Variants in CRTAP observed in about 807,000 individuals in gnomAD.
CRTAP encodes the protein cartilage associated protein, also known as cartilage-associated protein.
CRTAP carries 33 observed loss-of-function variants against 42.7 expected under a neutral mutation model. That is an observed-to-expected ratio of 0.77 (90% CI 0.59 to 1.03). The LOEUF (loss-of-function observed/expected upper bound fraction) is 1.03. Ranked by LOEUF, CRTAP falls within the 50% of genes least tolerant of loss-of-function variation. The pLI is 0.00. For missense variants in CRTAP, 613 were observed against 533.9 expected, an observed-to-expected ratio of 1.15 and a Z score of -1.46; for synonymous variants, 243 against 217.7, an observed-to-expected ratio of 1.12 and a Z score of -1.02.
In CRTAP at chr3:33,142,707, T is replaced by G. The variant is rs977696913; in HGVS notation, c.*259T>G. The G allele has an allele frequency of 2.2e-6, 1 of 451,096 alleles. No individual in the cohort carries two copies. The highest frequency in any genetic ancestry group is 2.0e-5 in the African/African-American group (1 of 50,448). The allele number at this position is 451,096 out of a possible 1,614,324, so 27.9% of individuals were successfully genotyped here. A position where few individuals can be genotyped will look rare whatever the true frequency, so the allele number is the denominator to read the frequency against. On this transcript the variant is annotated 3_prime_UTR_variant, in exon 7 of 7. Coordinates refer to ENST00000320954, the MANE Select transcript of CRTAP (RefSeq NM_006371.5). ...TCTCGCTCTCTTGCCCAGGCTGGAG[T>G]GCAATGGCACGTTCTCAGCTCACTG...
rs370037615 is a variant in CRTAP, at chr3:33,122,587, T to C, written c.622-1821T>C. On this transcript the variant is annotated intron_variant, in intron 2 of 6. Coordinates refer to ENST00000320954, the MANE Select transcript of CRTAP (RefSeq NM_006371.5). ...AGCCAGGCGTGGTGGCAGGCACCTG[T>C]AATCCTAGCTACTCGGGAGACTGAG... 3.6e-4 allele frequency among the ~76,000 whole-genome samples: 54 copies of C among 151,534 alleles called. 2 individuals are homozygous for C. In the South Asian group the frequency reaches 0.011, roughly 30 times the overall value.
chr3:33,129,410 A>G (rs1032591126), intron 3 of CRTAP, among the ~76,000 whole-genome samples: 2 of 151,932 alleles, frequency 1.3e-5, no homozygotes, highest in African/African-American at 4.8e-5. Context: ...ACATTTTAAT[A>G]ATTTCTATTA....
chr3:33,116,161 T>C (rs1701340692), intron 1 of CRTAP, among the ~76,000 whole-genome samples: 1 of 152,200 alleles, frequency 6.6e-6, no homozygotes, highest in Non-Finnish European at 1.5e-5. Context: ...TTCTTTAATA[T>C]ACAGATGAAT....
Position 33,114,166 on chromosome 3 carries a change from G to A in CRTAP, c.89G>A (p.Arg30His). Residue 30 changes from arginine (R) to histidine (H), a missense_variant, in exon 1 of 7, where the codon CGC becomes CAC. Physicochemically the swap from Arg to His is conservative, Grantham distance 29 (BLOSUM62 0). Transcript: ENST00000320954. ...ALRAGRAQYE[R>H]YSFRSFPRDE... is the part of the protein sequence containing the mutation. ...CGCGCCGGGCGCGCCCAATACGAAC[G>A]CTACAGCTTCCGCAGCTTCCCACGG... is the stretch of plus-strand genomic sequence containing the variant. 1 of 1,588,898 alleles carries A rather than the reference G, an allele frequency of 6.3e-7. No homozygotes were observed. Among genetic ancestry groups the A allele is most frequent in the Non-Finnish European group, 8.5e-7 (1 of 1,175,054 alleles).
intron 3 of CRTAP, 82 bp from the exon 4 acceptor site, chr3:33,129,857 C>T (rs113372930): frequency 1.4e-6 from 2 of 1,447,728 alleles, no homozygotes; most frequent in Non-Finnish European, 1.9e-6. Context: ...TTTCTTTTAA[C>T]TTTTTCATTT....
At position 33,142,698 on chromosome 3, in the gene CRTAP, A is replaced by G. The variant is rs2030612108; in HGVS notation, c.*250A>G. 1 of 466,050 alleles carries G rather than the reference A, an allele frequency of 2.1e-6. No individual in the cohort carries two copies. Among genetic ancestry groups the G allele is most frequent in the South Asian group, 2.3e-5 (1 of 43,538 alleles). The allele number at this position is 466,050 out of a possible 1,614,324, so 28.9% of individuals were successfully genotyped here. ...GAGATGGAGTCTCGCTCTCTTGCCC[A>G]GGCTGGAGTGCAATGGCACGTTCTC... On this transcript the variant is annotated 3_prime_UTR_variant, in exon 7 of 7. Transcript: ENST00000320954.
rs972668240 is a variant in CRTAP, at chr3:33,114,521, C to G, written c.444C>G (p.Tyr148Ter). The change falls in exon 1 of 7, where the codon TAC becomes TAG. Residue 148 changes from tyrosine to a stop codon, truncating the protein, a stop_gained. Transcript: ENST00000320954. LOFTEE classifies it high-confidence loss of function. ...CGGACTTCCAGCGCCGCGAGCCCTA[C>G]AAGTTCCTGCAGTTCGCTTACTTCA... The part of the protein sequence containing the change: ...VLADFQRREP[Y>*]KFLQFAYFKA... The G allele has an allele frequency of 6.2e-6, 10 of 1,603,612 alleles. No individual in the cohort carries two copies. Among genetic ancestry groups the G allele is most frequent in the South Asian group, 1.1e-5 (1 of 89,440 alleles).
At chr3:33,121,731 A>C (rs899449196) in intron 2 of CRTAP, among the ~76,000 whole-genome samples, 2 of 152,118 alleles carry the variant, frequency 1.3e-5, no homozygotes, top group Admixed American at 1.3e-4. Flanking sequence ...TCATGCCTCC[A>C]CTTGGCCTCT....
chr3:33,139,459 A>G (rs987365511), intron 6 of CRTAP, among the ~76,000 whole-genome samples: 15 of 149,718 alleles, frequency 1.0e-4, no homozygotes, highest in African/African-American at 3.2e-4. Context: ...AGGAAGTTCT[A>G]TTTTTAATTC....
intron 1 of CRTAP, among the ~76,000 whole-genome samples, chr3:33,117,422 T>C (rs907224564): frequency 3.9e-5 from 6 of 152,174 alleles, no homozygotes; most frequent in African/African-American, 7.2e-5. Flanking sequence ...CAGCCTCAGG[T>C]GCATCATAGG....
intron 3 of CRTAP, 77 bp from the exon 4 acceptor site, chr3:33,129,862 T>A: frequency 6.8e-7 from 1 of 1,464,216 alleles, no homozygotes; most frequent in East Asian, 2.3e-5. Flanking sequence ...TTTAACTTTT[T>A]CATTTGGGCA....
rs1249090673 is a variant in CRTAP, at chr3:33,142,568, G to A, written c.*120G>A. The A allele has an allele frequency of 3.2e-6, 3 of 943,354 alleles. No homozygotes were observed. 58.4% of individuals were successfully genotyped at this position (943,354 alleles called of 1,614,324 possible). A position where few individuals can be genotyped will look rare whatever the true frequency, so the allele number is the denominator to read the frequency against. Reference sequence around the variant, plus strand: ...TTCTCTTTACTCTCCAAAGTGAAAGGGAAGCCCCCGTCTCTCTAACTGCAT... The same window carrying A: ...TTCTCTTTACTCTCCAAAGTGAAAGAGAAGCCCCCGTCTCTCTAACTGCAT... On this transcript the variant is annotated 3_prime_UTR_variant, in exon 7 of 7. Transcript: ENST00000320954.
intron 1 of CRTAP, 113 bp downstream of exon 1, chr3:33,114,661 C>A: frequency 1.0e-6 from 1 of 971,186 alleles, no homozygotes; most frequent in Non-Finnish European, 1.5e-6. Flanking sequence ...CTAGACCTGG[C>A]TCCCTCCCAT....
Position 33,124,514 on chromosome 3 carries a change from G to T in CRTAP, c.728G>T (p.Cys243Phe). The part of the protein sequence containing the change: ...LPDFFKAFYE[C>F]LAACEGSREI... Reference sequence around the variant, plus strand: ...GACTTCTTCAAAGCCTTTTACGAGTGTCTCGCAGCCTGCGAGGGTTCCAGG... The same window carrying T: ...GACTTCTTCAAAGCCTTTTACGAGTTTCTCGCAGCCTGCGAGGGTTCCAGG... Residue 243 changes from cysteine to phenylalanine, a missense_variant, in exon 3 of 7, where the codon TGT becomes TTT. Transcript: ENST00000320954. 6.2e-7 allele frequency: 1 copy of T among 1,614,238 alleles called. No homozygotes were observed. The highest frequency in any genetic ancestry group is 8.5e-7 in the Non-Finnish European group (1 of 1,180,048).
At chr3:33,121,335 C>G (rs1480249473) in intron 2 of CRTAP, among the ~76,000 whole-genome samples, 1 of 151,460 alleles carries the variant, frequency 6.6e-6, no homozygotes, top group Non-Finnish European at 1.5e-5. Flanking sequence ...TCACTTCATC[C>G]CGGGAGACAG....
In CRTAP at chr3:33,114,101, C is replaced by G; in HGVS notation, c.24C>G (p.Ala8=). 6.8e-7 allele frequency: 1 copy of G among 1,473,002 alleles called. No individual in the cohort carries two copies. The highest frequency in any genetic ancestry group is 8.9e-7 in the Non-Finnish European group (1 of 1,120,198). The allele number at this position is 1,473,002 out of a possible 1,614,324, so 91.2% of individuals were successfully genotyped here. A position where few individuals can be genotyped will look rare whatever the true frequency, so the allele number is the denominator to read the frequency against. Reference sequence around the variant, plus strand: ...CGATGGAGCCGGGGCGCCGGGGGGCCGCGGCGCTGCTAGCGCTGCTGTGCG... The same window carrying G: ...CGATGGAGCCGGGGCGCCGGGGGGCGGCGGCGCTGCTAGCGCTGCTGTGCG... The part of the protein sequence containing the change: MEPGRRG[A]AALLALLCVA... The change falls in exon 1 of 7, where the codon GCC becomes GCG. Residue 8 remains alanine (A), a synonymous_variant. Coordinates refer to ENST00000320954, the MANE Select transcript of CRTAP (RefSeq NM_006371.5).
intron 1 of CRTAP, among the ~76,000 whole-genome samples, chr3:33,118,806 C>T (rs1289244196): frequency 6.6e-6 from 1 of 152,200 alleles, no homozygotes; most frequent in Non-Finnish European, 1.5e-5. Context: ...CCTCTGCATC[C>T]TTATTTGCCT....
chr3:33,114,466 G>T lies in CRTAP; in HGVS notation c.389G>T (p.Arg130Leu). The T allele has an allele frequency of 1.3e-6, 2 of 1,594,140 alleles. No individual in the cohort carries two copies. The highest frequency in any genetic ancestry group is 8.5e-7 in the Non-Finnish European group (1 of 1,172,410). The change falls in exon 1 of 7, where the codon CGC becomes CTC. Residue 130 changes from arginine to leucine, a missense_variant. By Grantham distance (102) the Arg-to-Leu change is moderately radical. Transcript: ENST00000320954. ...TGCAAGCAGGGCCTGCCAGCCTTCC[G>T]CCAGTCCCAGCCCAGCCGCGAGGTG... ...KRCKQGLPAF[R>L]QSQPSREVLA... is the part of the protein sequence containing the mutation.
At chr3:33,118,708 G>A (rs549011380) in intron 1 of CRTAP, among the ~76,000 whole-genome samples, 6 of 152,342 alleles carry the variant, frequency 3.9e-5, no homozygotes, top group African/African-American at 1.4e-4. Context: ...ACATGCACAG[G>A]TGCCTGCCCT....
Sources: allele counts gnomAD v4.1 joint callset (sites outside exome capture counted in the v4.1 genomes callset), GRCh38; gene constraint gnomAD v4.1.1; transcripts MANE v1.5; gene names NCBI Gene and HGNC (gene_info 2026-07-23, HGNC 2026-07-21).